The following CMTM6 variants were observed in gnomAD, a reference collection of about 807,000 sequenced individuals.
CMTM6 encodes the protein CKLF like MARVEL transmembrane domain containing 6.
A neutral mutation model predicts 13.6 loss-of-function variants in CMTM6; 5 were observed. The observed-to-expected ratio is 0.37, with a 90% CI of 0.19 to 0.77. The LOEUF (loss-of-function observed/expected upper bound fraction) is 0.77. Ranked by LOEUF, CMTM6 falls within the 30% of genes least tolerant of loss-of-function variation. CMTM6 has a pLI of 0.50. For missense variants in CMTM6, 196 were observed against 218.6 expected (o/e 0.90, Z 0.65); for synonymous variants, 99 against 84.5 (o/e 1.17, Z -0.94).
intron 3 of CMTM6, among the ~76,000 whole-genome samples, chr3:32,484,529 CAG>C (rs774190142): frequency 3.9e-4 from 59 of 152,294 alleles, no homozygotes; most frequent in Non-Finnish European, 7.9e-4. Flanking sequence ...AATATCAAAA[CAG>C]AAATTCCATT....
At chr3:32,491,133 A>T (rs1023813484) in intron 2 of CMTM6, among the ~76,000 whole-genome samples, 1 of 152,258 alleles carries the variant, frequency 6.6e-6, no homozygotes, top group African/African-American at 2.4e-5. Flanking sequence ...TTCTAACAGG[A>T]TTCTGCTCCT....
chr3:32,491,937 A>C, intron 1 of CMTM6, 51 bp from the exon 2 acceptor site: 1 of 1,438,942 alleles, frequency 6.9e-7, no homozygotes, highest in South Asian at 1.3e-5. Context: ...GAGAATCTAC[A>C]GTATTTAGAA....
At position 32,502,729 on chromosome 3, in the gene CMTM6, A is replaced by G; in HGVS notation, c.17T>C (p.Val6Ala). The G allele has an allele frequency of 6.6e-7, 1 of 1,519,114 alleles. No individual in the cohort carries two copies. Among genetic ancestry groups the G allele is most frequent in the Non-Finnish European group, 8.8e-7 (1 of 1,137,892 alleles). 94.1% of individuals were successfully genotyped at this position (1,519,114 alleles called of 1,614,324 possible). Reference protein sequence around the residue: MENGAVYSPTTEEDPG... With the variant: MENGAAYSPTTEEDPG... ...GTCCTCCTCCGTAGTGGGGCTGTAC[A>G]CCGCTCCGTTCTCCATCGCCTCGGG... The change falls in exon 1 of 4, where the codon GTG becomes GCG. Residue 6 changes from valine (V) to alanine (A), a missense_variant. Physicochemically the swap from Val to Ala is moderately conservative, Grantham distance 64. Coordinates refer to ENST00000205636, the MANE Select transcript of CMTM6 (RefSeq NM_017801.3).
chr3:32,502,414 G>A (rs774177378), intron 1 of CMTM6, among the ~76,000 whole-genome samples, 194 bp downstream of exon 1: 31 of 152,222 alleles, frequency 2.0e-4, no homozygotes, highest in Non-Finnish European at 3.8e-4. Flanking sequence ...GGAGAGCCTT[G>A]GGACTGAGGG....
intron 1 of CMTM6, 46 bp downstream of exon 1, chr3:32,502,562 A>T: frequency 6.4e-7 from 1 of 1,559,042 alleles, no homozygotes; most frequent in East Asian, 2.4e-5. Context: ...CCCGGGCCAG[A>T]CCCCGCTCCC....
In CMTM6 at chr3:32,501,093, GGCACGAGAATT is replaced by G. The variant is rs201666945; in HGVS notation, c.138+1504_138+1514del. ...TGCGTGCCTGTAGTCCCAACTACTC[GGCACGAGAATT>G]GCCTGAACCCGGGAGGCGGAGGTTT... On this transcript the variant is annotated intron_variant, in intron 1 of 3. Transcript: ENST00000205636. Among the ~76,000 whole-genome samples, 934 of 150,572 alleles carry G rather than the reference GGCACGAGAATT, an allele frequency of 6.2e-3. 13 individuals carry two copies. The highest frequency in any genetic ancestry group is 0.022 in the African/African-American group (890 of 40,898).
chr3:32,481,808 AAAAG>A lies in CMTM6; in HGVS notation c.*2148_*2151del, dbSNP rs773944916. On this transcript the variant is annotated 3_prime_UTR_variant, in exon 4 of 4. Transcript: ENST00000205636. ...ACCAGTGAACATACTATCTTTCTGA[AAAAG>A]AAAGAATTAAGTGACCAACTAAGAG... 9 of 152,380 alleles carry A rather than the reference AAAAG, an allele frequency of 5.9e-5. No individual in the cohort carries two copies. In the South Asian group the frequency reaches 6.2e-4, roughly 11 times the overall value. The allele number at this position is 152,380 out of a possible 1,614,324, so 9.4% of individuals were successfully genotyped here. A position where few individuals can be genotyped will look rare whatever the true frequency, so the allele number is the denominator to read the frequency against.
intron 1 of CMTM6, among the ~76,000 whole-genome samples, chr3:32,492,450 C>T (rs1697257499): frequency 6.6e-6 from 1 of 152,116 alleles, no homozygotes; most frequent in Non-Finnish European, 1.5e-5. Context: ...GAGAGGTAAG[C>T]TGAGGCCAGA....
Position 32,483,989 on chromosome 3 carries a change from C to A in CMTM6, c.523G>T (p.Glu175Ter). 1.2e-6 allele frequency: 2 copies of A among 1,610,086 alleles called. No homozygotes were observed. The highest frequency in any genetic ancestry group is 8.5e-7 in the Non-Finnish European group (1 of 1,178,714). The change falls in exon 4 of 4, where the codon GAA becomes TAA. Residue 175 changes from glutamate to a stop codon, truncating the protein, a stop_gained. Coordinates refer to ENST00000205636, the MANE Select transcript of CMTM6 (RefSeq NM_017801.3). LOFTEE classifies it high-confidence loss of function. ...LRKPENTTRA[E>*]ALTEPLNA ...GCATTAAGTGGCTCAGTGAGGGCTT[C>A]AGCCCTAGTGGTATTTTCAGGTTTT...
intron 1 of CMTM6, among the ~76,000 whole-genome samples, chr3:32,493,516 T>C (rs1373637354): frequency 2.0e-5 from 3 of 152,118 alleles, no homozygotes; most frequent in East Asian, 3.9e-4. Context: ...GAAGATGTAG[T>C]TGGAAAGCAA....
In CMTM6 at chr3:32,483,806, G is replaced by A. The variant is rs1183697423; in HGVS notation, c.*154C>T. 1.4e-5 allele frequency: 10 copies of A among 705,380 alleles called. No homozygotes were observed. In the East Asian group the frequency reaches 1.6e-4, roughly 11 times the overall value. 43.7% of individuals were successfully genotyped at this position (705,380 alleles called of 1,614,324 possible). On this transcript the variant is annotated 3_prime_UTR_variant, in exon 4 of 4. Coordinates refer to ENST00000205636, the MANE Select transcript of CMTM6 (RefSeq NM_017801.3). ...TTATCTGGCCTACTTTGTGGTGACTGACACAATATTGATAAAACTGCCTTC... is the reference window on the plus strand; with the variant it reads ...TTATCTGGCCTACTTTGTGGTGACTAACACAATATTGATAAAACTGCCTTC...
At chr3:32,485,549 CATTATT>C (rs1392761300) in intron 3 of CMTM6, among the ~76,000 whole-genome samples, 1 of 152,050 alleles carries the variant, frequency 6.6e-6, no homozygotes, top group East Asian at 1.9e-4. Context: ...TTAAAAAACT[CATTATT>C]TTATTGATCA....
intron 2 of CMTM6, among the ~76,000 whole-genome samples, chr3:32,489,914 C>T (rs1455383268): frequency 6.6e-6 from 1 of 152,102 alleles, no homozygotes; most frequent in Non-Finnish European, 1.5e-5. Flanking sequence ...GTAAACGTCC[C>T]AAAAATGTTG....
intron 3 of CMTM6, among the ~76,000 whole-genome samples, chr3:32,486,118 C>T (rs58663705): frequency 0.022 from 3,417 of 152,282 alleles, 46 homozygotes; most frequent in East Asian, 0.061. Flanking sequence ...CCTCCTGATC[C>T]GCCCGCCTTG....
At chr3:32,496,310 G>A (rs142800145) in intron 1 of CMTM6, among the ~76,000 whole-genome samples, 6 of 150,728 alleles carry the variant, frequency 4.0e-5, no homozygotes, top group South Asian at 2.1e-4. Flanking sequence ...GGCCAGATGC[G>A]ATGGCTCACA....
In CMTM6 at chr3:32,482,877, C is replaced by T. The variant is rs1697167714; in HGVS notation, c.*1083G>A. 6.6e-6 allele frequency: 1 copy of T among 152,066 alleles called. No individual in the cohort carries two copies. Among genetic ancestry groups the T allele is most frequent in the Non-Finnish European group, 1.5e-5 (1 of 68,032 alleles). 9.4% of individuals were successfully genotyped at this position (152,066 alleles called of 1,614,324 possible). A position where few individuals can be genotyped will look rare whatever the true frequency, so the allele number is the denominator to read the frequency against. On this transcript the variant is annotated 3_prime_UTR_variant, in exon 4 of 4. Coordinates refer to ENST00000205636, the MANE Select transcript of CMTM6 (RefSeq NM_017801.3). ...AAAAGTGTCAGAGCCAGAGGCCAAC[C>T]TCTGCTAGATGAAGCAGCAGCACAT...
Position 32,502,719 on chromosome 3 carries a change from G to T in CMTM6, c.27C>A (p.Pro9=). MENGAVYS[P]TTEEDPGPAR... The stretch of plus-strand genomic sequence containing the variant: ...CGGGGCCCGGGTCCTCCTCCGTAGT[G>T]GGGCTGTACACCGCTCCGTTCTCCA... The change falls in exon 1 of 4, where the codon CCC becomes CCA. Residue 9 remains proline (P), a synonymous_variant. Coordinates refer to ENST00000205636, the MANE Select transcript of CMTM6 (RefSeq NM_017801.3). 1 of 1,574,088 alleles carries T rather than the reference G, an allele frequency of 6.4e-7. No individual in the cohort carries two copies. The highest frequency in any genetic ancestry group is 1.8e-5 in the Admixed American group (1 of 55,176).
chr3:32,483,991 G>A lies in CMTM6; in HGVS notation c.521C>T (p.Ala174Val). ...ATTAAGTGGCTCAGTGAGGGCTTCA[G>A]CCCTAGTGGTATTTTCAGGTTTTCT... ...QLRKPENTTR[A>V]EALTEPLNA The change falls in exon 4 of 4, where the codon GCT (alanine) becomes GTT (valine). Residue 174 changes from alanine (A) to valine (V), a missense_variant. Ala to Val is a moderately conservative substitution (Grantham distance 64). Transcript: ENST00000205636. The A allele has an allele frequency of 6.2e-7, 1 of 1,611,628 alleles. No individual in the cohort carries two copies.
At position 32,491,805 on chromosome 3, in the gene CMTM6, C is replaced by G; in HGVS notation, c.220G>C (p.Val74Leu). Residue 74 changes from valine to leucine, a missense_variant, in exon 2 of 4, where the codon GTA becomes CTA. Val to Leu is a conservative substitution (Grantham distance 32, BLOSUM62 1). Around this residue, in one of 2 missense-constraint regions of CMTM6, gnomAD observed 111 missense variants for 160.0 expected, o/e 0.69. Coordinates refer to ENST00000205636, the MANE Select transcript of CMTM6 (RefSeq NM_017801.3). ...LCGGLYFFEF[V>L]SCSAFLLSLL... The stretch of plus-strand genomic sequence containing the variant: ...CTCAGAAGAAAGGCACTGCAGCTTA[C>G]AAACTCAAAAAAATAAAGTCCTCCA... 6.2e-7 allele frequency: 1 copy of G among 1,613,812 alleles called. No individual in the cohort carries two copies. The highest frequency in any genetic ancestry group is 8.5e-7 in the Non-Finnish European group (1 of 1,179,850).
Sources: allele counts gnomAD v4.1 joint callset (sites outside exome capture counted in the v4.1 genomes callset), GRCh38; gene constraint gnomAD v4.1.1; regional missense constraint gnomAD v4.1.1; transcripts MANE v1.5; gene names NCBI Gene and HGNC (gene_info 2026-07-23, HGNC 2026-07-21).